Variants in NF2 observed in about 807,000 individuals in gnomAD.
NF2 encodes merlin.
NF2 carries 8 observed loss-of-function variants against 83.7 expected under a neutral mutation model. The observed-to-expected ratio is 0.10, with a 90% CI of 0.06 to 0.17. The LOEUF (loss-of-function observed/expected upper bound fraction) is 0.17, where lower values mean the gene tolerates loss of function less well. Ranked by LOEUF, NF2 falls within the 10% of genes least tolerant of loss-of-function variation. The pLI is 1.00. For synonymous variants in NF2, 266 were observed against 269.6 expected (o/e 0.99, Z 0.13); for missense variants, 533 against 744.4 (o/e 0.72, Z 3.31).
At chr22:29,618,382 A>G (rs1797975498) in intron 1 of NF2, among the ~76,000 whole-genome samples, 2 of 152,168 alleles carry the variant, frequency 1.3e-5, no homozygotes, top group Admixed American at 6.6e-5. Context: ...GAAGGACTCA[A>G]TTTCAGAACC....
chr22:29,679,865 C>CAAA (rs1162770802), intron 14 of NF2, among the ~76,000 whole-genome samples: 3 of 117,290 alleles, frequency 2.6e-5, no homozygotes, highest in African/African-American at 6.5e-5. Context: ...CACCCTGTCT[C>CAAA]AAAAAAAAAA....
intron 4 of NF2, among the ~76,000 whole-genome samples, chr22:29,648,103 C>T (rs1601600995): frequency 6.6e-6 from 1 of 150,922 alleles, no homozygotes; most frequent in East Asian, 2.0e-4. Flanking sequence ...TGCACTCCAG[C>T]CTGGACGACA....
At chr22:29,623,272 A>G (rs1026623336) in intron 1 of NF2, among the ~76,000 whole-genome samples, 1 of 152,130 alleles carries the variant, frequency 6.6e-6, no homozygotes, top group Admixed American at 6.6e-5. Context: ...GGTAGCTTCA[A>G]GCTAGATATT....
At chr22:29,642,343 A>G in intron 4 of NF2, 58 bp downstream of exon 4, 2 of 1,350,204 alleles carry the variant, frequency 1.5e-6, no homozygotes, top group East Asian at 2.3e-5. Flanking sequence ...TCATGGGATC[A>G]CTCCTATCTT....
In NF2 at chr22:29,603,861, C is replaced by T. The variant is rs1461538998; in HGVS notation, c.-138C>T. ...CGGCCCATGCTGGCCGCTGGGGACC[C>T]GCGCAGCCCAGACCGTTCCCGGGCC... On this transcript the variant is annotated 5_prime_UTR_variant, in exon 1 of 16. Coordinates refer to ENST00000338641, the MANE Select transcript of NF2 (RefSeq NM_000268.4). 13 of 639,756 alleles carry T rather than the reference C, an allele frequency of 2.0e-5. No homozygotes were observed. The highest frequency in any genetic ancestry group is 3.5e-5 in the Non-Finnish European group (13 of 376,142). The allele number at this position is 639,756 out of a possible 1,614,324, so 39.6% of individuals were successfully genotyped here. A position where few individuals can be genotyped will look rare whatever the true frequency, so the allele number is the denominator to read the frequency against.
At chr22:29,651,479 A>G (rs2066145810) in intron 4 of NF2, among the ~76,000 whole-genome samples, 1 of 152,180 alleles carries the variant, frequency 6.6e-6, no homozygotes, top group Non-Finnish European at 1.5e-5. Context: ...CTTCCCAGTA[A>G]ATTCACCCTG....
chr22:29,625,088 G>A (rs961629769), intron 1 of NF2, among the ~76,000 whole-genome samples: 13 of 151,664 alleles, frequency 8.6e-5, no homozygotes, highest in African/African-American at 2.2e-4. Flanking sequence ...ACAGGCGTGC[G>A]CCACTAATTT....
intron 4 of NF2, among the ~76,000 whole-genome samples, chr22:29,650,020 C>T (rs1033001996): frequency 6.6e-6 from 1 of 151,788 alleles, no homozygotes; most frequent in Non-Finnish European, 1.5e-5. Context: ...TACTATGTAC[C>T]CACAAACATT....
chr22:29,658,289 C>T (rs2146991413), intron 7 of NF2, 25 bp downstream of exon 7: 2 of 1,602,656 alleles, frequency 1.2e-6, no homozygotes, highest in Non-Finnish European at 1.7e-6. Flanking sequence ...CTCTGAGCTC[C>T]TTGTGTAGTA....
In NF2 at chr22:29,639,112, A is replaced by G. The variant is rs547255779; in HGVS notation, c.263A>G (p.Lys88Arg). 6.2e-7 allele frequency: 1 copy of G among 1,614,214 alleles called. No individual in the cohort carries two copies. The highest frequency in any genetic ancestry group is 1.3e-5 in the African/African-American group (1 of 75,072). Residue 88 changes from lysine to arginine, a missense_variant, in exon 3 of 16, where the codon AAG (lysine) becomes AGG (arginine). Coordinates refer to ENST00000338641, the MANE Select transcript of NF2 (RefSeq NM_000268.4). ...CAGGTACTGGATCATGATGTTTCAA[A>G]GGAAGAACCAGTCACCTTTCACTTC... is the stretch of plus-strand genomic sequence containing the variant. ...DKKVLDHDVS[K>R]EEPVTFHFLA...
chr22:29,661,067 T>A, intron 7 of NF2, 138 bp from the exon 8 acceptor site: 1 of 1,276,378 alleles, frequency 7.8e-7, no homozygotes. Context: ...CTTCTTGGTT[T>A]ATAAGACAGC....
chr22:29,639,034 A>G, intron 2 of NF2, 56 bp from the exon 3 acceptor site: 1 of 1,613,124 alleles, frequency 6.2e-7, no homozygotes, highest in South Asian at 1.1e-5. Context: ...CTTTGAGGGT[A>G]GCACAGGAGG....
At chr22:29,673,671 T>C (rs1288425098) in intron 12 of NF2, among the ~76,000 whole-genome samples, 185 bp downstream of exon 12, 1 of 152,326 alleles carries the variant, frequency 6.6e-6, no homozygotes, top group East Asian at 1.9e-4. Context: ...GCGCTACTGG[T>C]TGGGCACAGG....
At chr22:29,679,338 T>C (rs2067059803) in intron 14 of NF2, among the ~76,000 whole-genome samples, 2 of 152,162 alleles carry the variant, frequency 1.3e-5, no homozygotes, top group Non-Finnish European at 2.9e-5. Flanking sequence ...TTCTTTGGGC[T>C]CTCACACTGA....
intron 15 of NF2, chr22:29,683,422 A>G: frequency 7.9e-7 from 1 of 1,268,762 alleles, no homozygotes; most frequent in South Asian, 1.8e-5. Context: ...CTAGCATGGA[A>G]ATGGGGTCAA....
At chr22:29,675,888 C>T (rs1197701695) in intron 13 of NF2, among the ~76,000 whole-genome samples, 1 of 152,138 alleles carries the variant, frequency 6.6e-6, no homozygotes, top group Non-Finnish European at 1.5e-5. Context: ...CAAAGGGCAC[C>T]AGAGGCACAA....
intron 15 of NF2, among the ~76,000 whole-genome samples, chr22:29,691,321 T>C (rs1009811235): frequency 1.3e-5 from 2 of 152,164 alleles, no homozygotes; most frequent in Non-Finnish European, 2.9e-5. Context: ...GCTTCAGTGC[T>C]CAACTCACAG....
chr22:29,672,081 A>G, intron 11 of NF2, 133 bp downstream of exon 11: 1 of 1,359,328 alleles, frequency 7.4e-7, no homozygotes, highest in African/African-American at 1.4e-5. Flanking sequence ...TGAAAAAATC[A>G]GTGCCTTTTC....
intron 6 of NF2, among the ~76,000 whole-genome samples, chr22:29,657,847 C>G (rs2066358411): frequency 6.6e-6 from 1 of 152,150 alleles, no homozygotes. Flanking sequence ...ACACCCAAAT[C>G]TGTTTGAGGG....
Sources: gnomAD v4.1 joint callset for allele counts (sites outside exome capture counted in the v4.1 genomes callset) on GRCh38, gnomAD v4.1.1 for gene constraint, MANE v1.5 for transcripts, NCBI Gene and HGNC (gene_info 2026-07-23, HGNC 2026-07-21) for gene names.